CNKSR2: variants seen among roughly 807,000 people sequenced by gnomAD.
CNKSR2 encodes the protein CNK homolog protein 2.
A neutral mutation model predicts 84.4 loss-of-function variants in CNKSR2; 14 were observed. The observed-to-expected ratio is 0.17, with a 90% CI of 0.11 to 0.26. The LOEUF is 0.26. Ranked by LOEUF, CNKSR2 falls within the 10% of genes least tolerant of loss-of-function variation. CNKSR2 has a pLI of 1.00. For synonymous variants in CNKSR2, 275 were observed against 277.9 expected, an observed-to-expected ratio of 0.99 and a Z score of 0.10; for missense variants, 485 against 771.2, an observed-to-expected ratio of 0.63 and a Z score of 4.40.
At chrX:21,631,018 G>A (rs1006577569) in intron 20 of CNKSR2, among the ~76,000 whole-genome samples, 7 of 109,896 alleles carry the variant, frequency 6.4e-5, no homozygotes, top group African/African-American at 2.3e-4. Flanking sequence ...TTTTAATATT[G>A]GGATTTTTTT....
At chrX:21,500,656 A>G (rs181039313) in intron 7 of CNKSR2, among the ~76,000 whole-genome samples, 2 of 111,665 alleles carry the variant, frequency 1.8e-5, no homozygotes, top group East Asian at 2.8e-4. Flanking sequence ...TAAAATTTCT[A>G]TCTTAAATCT....
At chrX:21,551,719 C>T (rs1601938908) in intron 11 of CNKSR2, among the ~76,000 whole-genome samples, 1 of 111,803 alleles carries the variant, frequency 8.9e-6, no homozygotes, top group Admixed American at 9.5e-5. Flanking sequence ...AAACATCCTG[C>T]AGTGCTCAGG....
At chrX:21,595,116 G>A in intron 16 of CNKSR2, 69 bp downstream of exon 16, 1 of 898,854 alleles carries the variant, frequency 1.1e-6, no homozygotes, top group Non-Finnish European at 1.6e-6. Context: ...TTAAATTATA[G>A]GTTGCTCATT....
rs2089784098 is a variant in CNKSR2 at position 21,374,883 on chromosome X, A to G, written c.-15A>G. On this transcript the variant is annotated 5_prime_UTR_variant, in exon 1 of 22. Coordinates refer to ENST00000379510, the MANE Select transcript of CNKSR2 (RefSeq NM_014927.5). ...GTCTGAGCTCTGCGCTCTGCACGGA[A>G]CCGACCCCGTACCCATGGCTCTGAT... 3 of 1,203,973 alleles carry G rather than the reference A, an allele frequency of 2.5e-6. No homozygotes were observed. Among genetic ancestry groups the G allele is most frequent in the Non-Finnish European group, 3.4e-6 (3 of 889,105 alleles).
chrX:21,547,504 A>T (rs1176212311), intron 11 of CNKSR2, among the ~76,000 whole-genome samples: 7 of 111,433 alleles, frequency 6.3e-5, no homozygotes, highest in African/African-American at 2.3e-4. Context: ...CCCACTGTCA[A>T]TATTAGACAG....
intron 1 of CNKSR2, among the ~76,000 whole-genome samples, chrX:21,381,552 C>T (rs1038907833): frequency 8.9e-6 from 1 of 112,044 alleles, no homozygotes; most frequent in Admixed American, 9.4e-5. Flanking sequence ...AAATCTCATC[C>T]GATCTCATTC....
intron 9 of CNKSR2, among the ~76,000 whole-genome samples, chrX:21,526,345 C>T (rs564695984): frequency 9.0e-6 from 1 of 111,088 alleles, no homozygotes; most frequent in Non-Finnish European, 1.9e-5. Context: ...GCCTTTCATA[C>T]TCCCACTTTT....
At chrX:21,409,261 TATA>T in intron 1 of CNKSR2, among the ~76,000 whole-genome samples, 1 of 84,941 alleles carries the variant, frequency 1.2e-5, no homozygotes, top group South Asian at 6.1e-4. Flanking sequence ...TATATATATA[TATA>T]TATATATATA....
chrX:21,631,727 T>C lies in CNKSR2; in HGVS notation c.2693-17104T>C, dbSNP rs192643482. 4.7e-4 allele frequency among the ~76,000 whole-genome samples: 53 copies of C among 112,604 alleles called. 2 individuals are homozygous for C. The highest frequency in any genetic ancestry group is 1.4e-3 in the African/African-American group (42 of 31,067). On this transcript the variant is annotated intron_variant, in intron 20 of 21. Transcript: ENST00000379510. ...GCTTTAATCTATTTCCACCTTCTAA[T>C]ATCTCATGCAGTATGTAGAATAAAA...
In CNKSR2 at chrX:21,501,497, C is replaced by G. The variant is rs367989603; in HGVS notation, c.742-23C>G. On this transcript the variant is annotated intron_variant, in intron 7 of 21. Coordinates refer to ENST00000379510, the MANE Select transcript of CNKSR2 (RefSeq NM_014927.5). ...GACTGATAAAATTTATGTTCTTTATCGTTTCTTTTATATTAAATTCAGTCA... is the reference window on the plus strand; with the variant it reads ...GACTGATAAAATTTATGTTCTTTATGGTTTCTTTTATATTAAATTCAGTCA... The G allele has an allele frequency of 3.8e-6, 4 of 1,044,940 alleles. No individual in the cohort carries two copies. The South Asian group carries it at 6.8e-5, about 18-fold the overall frequency. 86.1% of individuals were successfully genotyped at this position (1,044,940 alleles called of 1,213,427 possible).
intron 3 of CNKSR2, among the ~76,000 whole-genome samples, chrX:21,440,079 T>G: frequency 9.0e-6 from 1 of 111,438 alleles, no homozygotes; most frequent in East Asian, 2.8e-4. Flanking sequence ...CTTCAAACAC[T>G]TGAAGATACA....
chrX:21,645,262 A>C (rs2092703619), intron 20 of CNKSR2: 1 of 112,098 alleles, frequency 8.9e-6, no homozygotes, highest in African/African-American at 3.2e-5. Context: ...TAACTTAATT[A>C]TGATCCTCAA....
At chrX:21,621,999 C>T (rs2092603902) in intron 20 of CNKSR2, among the ~76,000 whole-genome samples, 2 of 110,673 alleles carry the variant, frequency 1.8e-5, no homozygotes, top group South Asian at 7.6e-4. Context: ...GGAATGCTGA[C>T]AGTAGCCCTA....
Position 21,467,730 on chromosome X carries a change from A to G in CNKSR2, c.520-3036A>G, listed in dbSNP as rs1362229591. Among the ~76,000 whole-genome samples the G allele has an allele frequency of 9.9e-5, 11 of 110,710 alleles. No homozygotes were observed. In the Admixed American group the frequency reaches 1.1e-3, roughly 11 times the overall value. ...ATATGTGGCATTTTTTTGGACTGGT[A>G]GAAAAACTTGACCACCTCAATCACC... On this transcript the variant is annotated intron_variant, in intron 4 of 21. Coordinates refer to ENST00000379510, the MANE Select transcript of CNKSR2 (RefSeq NM_014927.5).
chrX:21,590,518 G>A, intron 13 of CNKSR2, 54 bp from the exon 14 acceptor site: 1 of 1,101,237 alleles, frequency 9.1e-7, no homozygotes, highest in Non-Finnish European at 1.2e-6. Flanking sequence ...GCGTGCTGGT[G>A]CTCTGGATCA....
chrX:21,614,704 G>A (rs1184733822), intron 20 of CNKSR2, among the ~76,000 whole-genome samples: 4 of 111,473 alleles, frequency 3.6e-5, no homozygotes, highest in African/African-American at 1.3e-4. Flanking sequence ...TTCTGATACT[G>A]GTTATAGGTT....
intron 13 of CNKSR2, among the ~76,000 whole-genome samples, chrX:21,578,576 TCA>T (rs2092334710): frequency 1.0e-5 from 1 of 100,171 alleles, no homozygotes; most frequent in African/African-American, 3.7e-5. Flanking sequence ...CAGAATTAAA[TCA>T]CACGTTGTAT....
At position 21,652,481 on chromosome X, in the gene CNKSR2, C is replaced by G; in HGVS notation, c.3065C>G (p.Ser1022Cys). 8.3e-7 allele frequency: 1 copy of G among 1,208,769 alleles called. No homozygotes were observed. Among genetic ancestry groups the G allele is most frequent in the Non-Finnish European group, 1.1e-6 (1 of 892,729 alleles). The change falls in exon 22 of 22, where the codon TCT (serine) becomes TGT (cysteine). Residue 1022 changes from serine (S) to cysteine (C), a missense_variant. Ser to Cys is a moderately radical substitution (Grantham distance 112). Transcript: ENST00000379510. ...TCTGAAGTAGATGTAATCACTTCCT[C>G]TCTAGCACACACTCATTCATACATT... is the stretch of plus-strand genomic sequence containing the variant. ...ISSEVDVITS[S>C]LAHTHSYIET... is the part of the protein sequence containing the mutation.
chrX:21,639,152 A>G (rs759301050), intron 20 of CNKSR2, among the ~76,000 whole-genome samples: 102 of 112,651 alleles, frequency 9.1e-4, no homozygotes, highest in African/African-American at 2.7e-3. Flanking sequence ...ACACAAAGAA[A>G]GAGAAAGCCC....
Sources: gnomAD v4.1 joint callset for allele counts (sites outside exome capture counted in the v4.1 genomes callset) on GRCh38, gnomAD v4.1.1 for gene constraint, MANE v1.5 for transcripts, NCBI Gene and HGNC (gene_info 2026-07-23, HGNC 2026-07-21) for gene names.